CDC42BPB: variants seen among roughly 807,000 people sequenced by gnomAD.
CDC42BPB encodes CDC42 binding protein kinase beta.
CDC42BPB carries 37 observed loss-of-function variants against 214.9 expected under a neutral mutation model. The observed-to-expected ratio is 0.17, with a 90% CI of 0.13 to 0.23. The LOEUF is 0.23. Among genes scored for constraint, CDC42BPB ranks in the 10% least tolerant of loss-of-function variants. The pLI, the probability that CDC42BPB is intolerant of heterozygous loss-of-function variation, is 1.00. For missense variants in CDC42BPB, 1,694 were observed against 2,227.0 expected (o/e 0.76, Z 4.82); for synonymous variants, 931 against 884.0 (o/e 1.05, Z -0.94).
At position 103,040,836 on chromosome 14, in the gene CDC42BPB, G is replaced by A. The variant is rs145146806; in HGVS notation, c.175+16163C>T. On this transcript the variant is annotated intron_variant, in intron 1 of 36. Transcript: ENST00000361246. ...GGACAAGAGACTTTAATACTGTTAAGATGGCAATACTCCCCAAATTGACCT... is the reference window on the plus strand; with the variant it reads ...GGACAAGAGACTTTAATACTGTTAAAATGGCAATACTCCCCAAATTGACCT... Among the ~76,000 whole-genome samples the A allele has an allele frequency of 1.1e-4, 17 of 152,292 alleles. No individual in the cohort carries two copies. In the East Asian group the frequency reaches 1.2e-3, roughly 10 times the overall value.
chr14:102,956,054 G>A (rs967900270), intron 21 of CDC42BPB, among the ~76,000 whole-genome samples: 18 of 152,224 alleles, frequency 1.2e-4, no homozygotes, highest in African/African-American at 4.3e-4. Flanking sequence ...GGTATGTTAA[G>A]TGTTACGGTT....
intron 1 of CDC42BPB, among the ~76,000 whole-genome samples, chr14:103,048,657 G>A (rs1238443509): frequency 1.1e-4 from 17 of 147,948 alleles, no homozygotes; most frequent in African/African-American, 3.2e-4. Context: ...GCAGTGAGCC[G>A]AGATCGGGCC....
In CDC42BPB at chr14:103,004,296, A is replaced by C; in HGVS notation, c.352-273T>G. On this transcript the variant is annotated intron_variant, in intron 3 of 36. Coordinates refer to ENST00000361246, the MANE Select transcript of CDC42BPB (RefSeq NM_006035.4). This position sits in a 1 kb window ranked among gnomAD's most constrained non-coding sequence, Gnocchi z 5.3. ...ATTTCTGTGGCTGACACTTAGATTC[A>C]CCCCACCCTTATGTGGATTCCTGAC... The C allele has an allele frequency of 1.5e-6, 1 of 664,950 alleles. No homozygotes were observed. Among genetic ancestry groups the C allele is most frequent in the Non-Finnish European group, 2.1e-6 (1 of 486,764 alleles). 41.2% of individuals were successfully genotyped at this position (664,950 alleles called of 1,614,324 possible).
chr14:102,937,930 C>T (rs1042381771), intron 36 of CDC42BPB, among the ~76,000 whole-genome samples, 174 bp downstream of exon 36: 6 of 152,160 alleles, frequency 3.9e-5, no homozygotes, highest in East Asian at 1.9e-4. Context: ...GATTGCTGCA[C>T]GAGCCTCCTG....
At chr14:102,957,309 G>A (rs1892756212) in intron 21 of CDC42BPB, among the ~76,000 whole-genome samples, 1 of 151,842 alleles carries the variant, frequency 6.6e-6, no homozygotes, top group African/African-American at 2.4e-5. Context: ...CATCTCTGCT[G>A]CCCACTCTCC....
chr14:103,039,060 T>G (rs1315580060), intron 1 of CDC42BPB, among the ~76,000 whole-genome samples: 1 of 151,896 alleles, frequency 6.6e-6, no homozygotes, highest in Non-Finnish European at 1.5e-5. Flanking sequence ...AGACACAAAC[T>G]ACCAAAATTG....
chr14:102,969,120 T>C (rs1379354719), intron 14 of CDC42BPB, among the ~76,000 whole-genome samples: 1 of 151,916 alleles, frequency 6.6e-6, no homozygotes, highest in Non-Finnish European at 1.5e-5. Flanking sequence ...CCCAGCCAGG[T>C]TGTAGGGAGT....
intron 1 of CDC42BPB, among the ~76,000 whole-genome samples, chr14:103,043,674 G>A (rs555577887): frequency 1.3e-5 from 2 of 150,840 alleles, no homozygotes; most frequent in South Asian, 2.1e-4. Context: ...CGATAAAGCT[G>A]TTACAAAAAA....
chr14:103,051,154 C>T (rs1447620099), intron 1 of CDC42BPB, among the ~76,000 whole-genome samples: 1 of 6,830 alleles, frequency 1.5e-4, no homozygotes, highest in Non-Finnish European at 3.2e-4. Flanking sequence ...GTATTTGGGG[C>T]GGGGGGGCGG....
At chr14:102,973,010 C>G (rs1206148789) in intron 12 of CDC42BPB, among the ~76,000 whole-genome samples, 1 of 152,222 alleles carries the variant, frequency 6.6e-6, no homozygotes, top group Non-Finnish European at 1.5e-5. Context: ...TCACTCTGCA[C>G]TCACCACGCT....
At chr14:102,975,564 C>T in intron 11 of CDC42BPB, 120 bp downstream of exon 11, 2 of 1,083,510 alleles carry the variant, frequency 1.8e-6, no homozygotes, top group Non-Finnish European at 1.3e-6. Flanking sequence ...TCTAAATAAG[C>T]TTGCTAAAGC....
intron 1 of CDC42BPB, among the ~76,000 whole-genome samples, chr14:103,023,106 C>A (rs1381678801): frequency 1.3e-5 from 2 of 150,804 alleles, no homozygotes; most frequent in Non-Finnish European, 2.9e-5. Flanking sequence ...CTCCTGGGCT[C>A]AAGTGATTCT....
Position 102,946,580 on chromosome 14 carries a change from G to C in CDC42BPB, c.3636C>G (p.Leu1212=), listed in dbSNP as rs760589634. 1 of 1,612,748 alleles carries C rather than the reference G, an allele frequency of 6.2e-7. No individual in the cohort carries two copies. The highest frequency in any genetic ancestry group is 8.5e-7 in the Non-Finnish European group (1 of 1,179,944). ...GCCGGTTTTTATGAAGGATGGACTGGAGTCCTTCTAGAATCCCAACCCACT... is the reference window on the plus strand; with the variant it reads ...GCCGGTTTTTATGAAGGATGGACTGCAGTCCTTCTAGAATCCCAACCCACT... The part of the protein sequence containing the change: ...KRKWVGILEG[L]QSILHKNRLR... Residue 1212 remains leucine (L), a synonymous_variant, in exon 28 of 37, where the codon CTC becomes CTG. Transcript: ENST00000361246.
At chr14:103,054,816 A>G (rs1888851120) in intron 1 of CDC42BPB, among the ~76,000 whole-genome samples, 1 of 152,278 alleles carries the variant, frequency 6.6e-6, no homozygotes, top group East Asian at 1.9e-4. Flanking sequence ...TGTCTATGTT[A>G]CAGCACAGTT....
intron 5 of CDC42BPB, among the ~76,000 whole-genome samples, chr14:102,997,765 C>T (rs1894807230): frequency 6.6e-6 from 1 of 152,148 alleles, no homozygotes; most frequent in Admixed American, 6.5e-5. Flanking sequence ...TACAAGGCTG[C>T]TGTCATAGTT....
chr14:102,938,959 C>T (rs968733242), intron 34 of CDC42BPB, among the ~76,000 whole-genome samples: 3 of 144,786 alleles, frequency 2.1e-5, no homozygotes, highest in Admixed American at 1.4e-4. Flanking sequence ...TTTTTTGAGA[C>T]GGAGTCTTGC....
At chr14:103,013,665 G>A (rs1286803089) in intron 1 of CDC42BPB, among the ~76,000 whole-genome samples, 2 of 152,256 alleles carry the variant, frequency 1.3e-5, no homozygotes, top group Non-Finnish European at 2.9e-5. Context: ...GCCAAGTGGG[G>A]ATGGAGGCAG....
In CDC42BPB at chr14:102,976,363, T is replaced by C. The variant is rs150311860; in HGVS notation, c.1221-314A>G. The C allele has an allele frequency of 7.1e-4, 207 of 291,884 alleles. 1 individual carries two copies. Among genetic ancestry groups the C allele is most frequent in the African/African-American group, 4.4e-3 (196 of 44,132 alleles). The allele number at this position is 291,884 out of a possible 1,614,324, so 18.1% of individuals were successfully genotyped here. A position where few individuals can be genotyped will look rare whatever the true frequency, so the allele number is the denominator to read the frequency against. On this transcript the variant is annotated intron_variant, in intron 9 of 36. Coordinates refer to ENST00000361246, the MANE Select transcript of CDC42BPB (RefSeq NM_006035.4). ...GCATGGATCCTGCGTAAAGCAAGGC[T>C]TAGGGGGCAGCCCCAGCTCGTCTGC...
Position 102,952,550 on chromosome 14 carries a change from G to A in CDC42BPB, c.3120C>T (p.Ser1040=). 6.2e-7 allele frequency: 1 copy of A among 1,614,000 alleles called. No individual in the cohort carries two copies. Among genetic ancestry groups the A allele is most frequent in the Admixed American group, 1.7e-5 (1 of 60,022 alleles). The part of the protein sequence containing the change: ...IKSFSSPTQC[S]HCTSLMVGLI... ...GCCCAACCATCAGGGAGGTGCAGTGGCTGCACTGAGTAGGGCTGGAGAAGG... is the reference window on the plus strand; with the variant it reads ...GCCCAACCATCAGGGAGGTGCAGTGACTGCACTGAGTAGGGCTGGAGAAGG... The change falls in exon 24 of 37, where the codon AGC becomes AGT. Residue 1040 remains serine (S), a synonymous_variant. Transcript: ENST00000361246.
Sources: allele counts gnomAD v4.1 joint callset (sites outside exome capture counted in the v4.1 genomes callset), GRCh38; gene constraint gnomAD v4.1.1; non-coding constraint Gnocchi (gnomAD v3.1); transcripts MANE v1.5; gene names NCBI Gene and HGNC (gene_info 2026-07-23, HGNC 2026-07-21).